The following TLL2 variants were observed in gnomAD, a reference collection of about 807,000 sequenced individuals.
The protein encoded by TLL2 is tolloid-like protein 2.
In TLL2, 106 loss-of-function variants were observed where a neutral mutation model predicts 123.0. The ratio of observed to expected loss-of-function variants is 0.86; its 90% CI spans 0.74 to 1.01. TLL2 has a LOEUF of 1.01. TLL2 is among the 50% of genes least tolerant of loss of function. The pLI is 0.00. For missense variants in TLL2, 1,332 were observed against 1,336.7 expected, an observed-to-expected ratio of 1.00 and a Z score of 0.06; for synonymous variants, 494 against 516.8, an observed-to-expected ratio of 0.96 and a Z score of 0.60.
At chr10:96,395,777 C>T (rs188629642) in intron 12 of TLL2, 98 bp downstream of exon 12, 3 of 1,484,128 alleles carry the variant, frequency 2.0e-6, no homozygotes, top group Non-Finnish European at 2.7e-6. Flanking sequence ...CTCTTAGGTT[C>T]CTGTTTTTAG....
At chr10:96,369,870 T>C (rs1846061610) in intron 20 of TLL2, among the ~76,000 whole-genome samples, 195 bp downstream of exon 20, 1 of 152,014 alleles carries the variant, frequency 6.6e-6, no homozygotes, top group South Asian at 2.1e-4. Context: ...CTTCAAGGAC[T>C]GGTCCCTGGC....
At chr10:96,405,450 A>C (rs892072636) in intron 9 of TLL2, 116 bp from the exon 10 acceptor site, 1 of 877,846 alleles carries the variant, frequency 1.1e-6, no homozygotes, top group Non-Finnish European at 1.8e-6. Flanking sequence ...CTTTCAGACC[A>C]CGGTAGGAGT....
chr10:96,422,850 G>A (rs1162282241), intron 5 of TLL2, 123 bp from the exon 6 acceptor site: 21 of 1,184,982 alleles, frequency 1.8e-5, no homozygotes, highest in Non-Finnish European at 2.3e-5. Context: ...ATTTCAGGCC[G>A]GGTGCAGTGG....
intron 10 of TLL2, among the ~76,000 whole-genome samples, chr10:96,402,244 G>A (rs931201872): frequency 5.9e-5 from 9 of 152,162 alleles, no homozygotes; most frequent in East Asian, 5.8e-4. Context: ...CACCACCTCC[G>A]CGCTTCCTTC....
chr10:96,492,708 C>G (rs1192516992), intron 1 of TLL2, among the ~76,000 whole-genome samples: 1 of 152,204 alleles, frequency 6.6e-6, no homozygotes, highest in African/African-American at 2.4e-5. Flanking sequence ...TGCTGTTAAA[C>G]CACCTTCTTT....
At chr10:96,409,612 C>T (rs1031403278) in intron 9 of TLL2, among the ~76,000 whole-genome samples, 2 of 152,184 alleles carry the variant, frequency 1.3e-5, no homozygotes, top group African/African-American at 4.8e-5. Flanking sequence ...TATAACAGTA[C>T]GTGCCCTGCA....
chr10:96,401,566 A>T (rs1425475004), intron 10 of TLL2, among the ~76,000 whole-genome samples: 24 of 152,044 alleles, frequency 1.6e-4, no homozygotes, highest in Non-Finnish European at 2.4e-4. Context: ...GAGCCAAAAA[A>T]AAAAAACCTC....
At chr10:96,488,597 C>T (rs933464378) in intron 1 of TLL2, among the ~76,000 whole-genome samples, 58 of 152,200 alleles carry the variant, frequency 3.8e-4, no homozygotes, top group African/African-American at 1.3e-3. Context: ...CATGAGTCAG[C>T]GCTGCCCCTT....
At chr10:96,388,025 G>A (rs1317771694) in intron 13 of TLL2, among the ~76,000 whole-genome samples, 1 of 152,160 alleles carries the variant, frequency 6.6e-6, no homozygotes, top group African/African-American at 2.4e-5. Flanking sequence ...CAAAAAAGTT[G>A]AACCTAGGAA....
intron 10 of TLL2, among the ~76,000 whole-genome samples, chr10:96,404,986 C>CT (rs1846435991): frequency 6.6e-6 from 1 of 152,178 alleles, no homozygotes; most frequent in South Asian, 2.1e-4. Flanking sequence ...GTAGCTAGAG[C>CT]TTTGCACACT....
chr10:96,473,968 G>A (rs1335302876), intron 2 of TLL2, among the ~76,000 whole-genome samples: 9 of 152,176 alleles, frequency 5.9e-5, no homozygotes. Flanking sequence ...CGAAAAGGGT[G>A]CAAGAGGGTC....
intron 2 of TLL2, among the ~76,000 whole-genome samples, chr10:96,461,878 C>A (rs1308523939): frequency 6.6e-6 from 1 of 152,256 alleles, no homozygotes; most frequent in African/African-American, 2.4e-5. Flanking sequence ...GCTCCTGACA[C>A]TCACCATATC....
chr10:96,501,878 C>T (rs1189604161), intron 1 of TLL2, among the ~76,000 whole-genome samples: 1 of 152,236 alleles, frequency 6.6e-6, no homozygotes, highest in Non-Finnish European at 1.5e-5. Flanking sequence ...CATGTGCTGG[C>T]ACTATGCTCC....
At chr10:96,476,240 A>ATACATATATATATATATATATTCTTTTT in intron 2 of TLL2, among the ~76,000 whole-genome samples, 1 of 20,502 alleles carries the variant, frequency 4.9e-5, no homozygotes, top group East Asian at 2.1e-3. Context: ...ATATATATAT[A>ATACATATATATATATATATATTCTTTTT]TTTTATTTTT....
chr10:96,370,310 C>G lies in TLL2; in HGVS notation c.2668G>C (p.Gly890Arg). ...GFQAVHSTECGGRLKAEVQTK... is the reference protein window; with the variant it reads ...GFQAVHSTECRGRLKAEVQTK... Reference sequence around the variant, plus strand: ...TGCACTTCAGCCTTCAGCCTGCCCCCGCACTCTGGAGCAGAGAGAAGTGAG... The same window carrying G: ...TGCACTTCAGCCTTCAGCCTGCCCCGGCACTCTGGAGCAGAGAGAAGTGAG... The change falls in exon 20 of 21, where the codon GGG (glycine) becomes CGG (arginine). Residue 890 changes from glycine to arginine, a missense_variant. Physicochemically the swap from Gly to Arg is moderately radical, Grantham distance 125 (BLOSUM62 -2). Coordinates refer to ENST00000357947, the MANE Select transcript of TLL2 (RefSeq NM_012465.4). 3 of 1,574,978 alleles carry G rather than the reference C, an allele frequency of 1.9e-6. No individual in the cohort carries two copies. Among genetic ancestry groups the G allele is most frequent in the Non-Finnish European group, 2.6e-6 (3 of 1,158,732 alleles).
chr10:96,368,338 C>CACATCCTGTG, intron 20 of TLL2, 116 bp from the exon 21 acceptor site: 1 of 1,216,878 alleles, frequency 8.2e-7, no homozygotes, highest in South Asian at 1.5e-5. Flanking sequence ...GTACCAGAGA[C>CACATCCTGTG]TCTGAAGGGC....
chr10:96,408,623 CA>C (rs1846472226), intron 9 of TLL2, among the ~76,000 whole-genome samples: 1 of 152,214 alleles, frequency 6.6e-6, no homozygotes, highest in African/African-American at 2.4e-5. Context: ...CTACCCAAGG[CA>C]GACAGGTCTG....
chr10:96,503,826 T>C (rs115071037), intron 1 of TLL2, among the ~76,000 whole-genome samples: 2,232 of 152,302 alleles, frequency 0.015, 47 homozygotes, highest in South Asian at 0.061. Flanking sequence ...AAGAAAAAGA[T>C]AGGGAGACGG....
chr10:96,425,259 T>C (rs1343005473), intron 5 of TLL2, among the ~76,000 whole-genome samples: 2 of 144,350 alleles, frequency 1.4e-5, no homozygotes, highest in South Asian at 4.4e-4. Flanking sequence ...CATTACTGTT[T>C]TCTCTCTCTC....
Sources: allele counts gnomAD v4.1 joint callset (sites outside exome capture counted in the v4.1 genomes callset), GRCh38; gene constraint gnomAD v4.1.1; transcripts MANE v1.5; gene names NCBI Gene and HGNC (gene_info 2026-07-23, HGNC 2026-07-21).